PITPNM3: variants seen among roughly 807,000 people sequenced by gnomAD.
PITPNM3 encodes the protein PITPNM family member 3.
PITPNM3 carries 26 observed loss-of-function variants against 102.0 expected under a neutral mutation model. The ratio of observed to expected loss-of-function variants is 0.25; its 90% CI spans 0.19 to 0.35. PITPNM3 has a LOEUF of 0.35. Among genes scored for constraint, PITPNM3 ranks in the 10% least tolerant of loss-of-function variants. The pLI, the probability that PITPNM3 is intolerant of heterozygous loss-of-function variation, is 1.00. For missense variants in PITPNM3, 1,083 were observed against 1,346.1 expected, an observed-to-expected ratio of 0.80 and a Z score of 3.06; for synonymous variants, 578 against 558.6, an observed-to-expected ratio of 1.03 and a Z score of -0.49.
rs150739638 is a variant in PITPNM3 at position 6,462,009 on chromosome 17, C to T, written c.2307-453G>A. ...TGGGCCACTACAAAAGCCTCCTGGG[C>T]GGCCTCTTTCCCTCCACCCCTACTC... On this transcript the variant is annotated intron_variant, in intron 17 of 19. Transcript: ENST00000262483. 3.6e-3 allele frequency among the ~76,000 whole-genome samples: 545 copies of T among 151,456 alleles called. 1 individual carries two copies. Among genetic ancestry groups the T allele is most frequent in the Non-Finnish European group, 6.4e-3 (432 of 67,818 alleles).
chr17:6,490,201 G>C (rs1340942829), intron 4 of PITPNM3, among the ~76,000 whole-genome samples: 1 of 152,050 alleles, frequency 6.6e-6, no homozygotes, highest in Admixed American at 6.6e-5. Flanking sequence ...CCATTCCCCA[G>C]GTGAGCCCGC....
chr17:6,531,663 G>A (rs4796509), intron 2 of PITPNM3, among the ~76,000 whole-genome samples: 53,919 of 152,158 alleles, frequency 0.35, 10,149 homozygotes, highest in East Asian at 0.6. Context: ...CCAGGAAAGC[G>A]TGTCCAGAGG....
Position 6,455,401 on chromosome 17 carries a change from G to A in PITPNM3, c.2862C>T (p.His954=), listed in dbSNP as rs1597356535. The part of the protein sequence containing the change: ...AQSQPESDKD[H]ERPLPALSWA... ...AGCTGAGCGCCGGCAGCGGCCGCTC[G>A]TGGTCTTTGTCCGACTCGGGCTGGC... The change falls in exon 20 of 20, where the codon CAC becomes CAT. Residue 954 remains histidine, a synonymous_variant. Transcript: ENST00000262483. 6.3e-7 allele frequency: 1 copy of A among 1,599,688 alleles called. No individual in the cohort carries two copies. Among genetic ancestry groups the A allele is most frequent in the Non-Finnish European group, 8.5e-7 (1 of 1,175,720 alleles).
chr17:6,484,134 C>T (rs1438299643), intron 5 of PITPNM3, 82 bp downstream of exon 5: 21 of 1,438,622 alleles, frequency 1.5e-5, no homozygotes, highest in Admixed American at 1.0e-4. Flanking sequence ...TGGAAGAAAA[C>T]GAGGCCGCCT....
chr17:6,484,657 C>G (rs369246224), intron 4 of PITPNM3, among the ~76,000 whole-genome samples: 1 of 152,206 alleles, frequency 6.6e-6, no homozygotes, highest in Non-Finnish European at 1.5e-5. Context: ...TGAGCAAAGC[C>G]TCCCGCTGAG....
chr17:6,554,435 G>C (rs554711490), intron 1 of PITPNM3, among the ~76,000 whole-genome samples: 1 of 152,134 alleles, frequency 6.6e-6, no homozygotes, highest in Admixed American at 6.5e-5. Flanking sequence ...TGCTGAGTGT[G>C]GGGGGCAGGA....
Position 6,453,113 on chromosome 17 carries a change from C to T in PITPNM3, c.*2225G>A, listed in dbSNP as rs934553291. The T allele has an allele frequency of 7.2e-6, 1 of 139,264 alleles. No individual in the cohort carries two copies. The highest frequency in any genetic ancestry group is 1.5e-5 in the Non-Finnish European group (1 of 67,782). The allele number at this position is 139,264 out of a possible 1,614,324, so 8.6% of individuals were successfully genotyped here. ...TCTGTCTTCCTTTCTTTCTCTCTCT[C>T]TTTCTCTCTCCCTCTCTCTCTCTCT... On this transcript the variant is annotated 3_prime_UTR_variant, in exon 20 of 20. Coordinates refer to ENST00000262483, the MANE Select transcript of PITPNM3 (RefSeq NM_031220.4).
At chr17:6,482,060 C>G (rs398041497) in intron 6 of PITPNM3, among the ~76,000 whole-genome samples, 34,062 of 118,254 alleles carry the variant, frequency 0.29, 5,705 homozygotes, top group Middle Eastern at 0.47. Flanking sequence ...CTCTCTCTCT[C>G]TCTCTGTCTC....
intron 3 of PITPNM3, among the ~76,000 whole-genome samples, chr17:6,518,451 CAAA>C (rs74413304): frequency 5.3e-5 from 6 of 112,788 alleles, no homozygotes; most frequent in African/African-American, 6.2e-5. Flanking sequence ...GGTAAAAAAG[CAAA>C]AAAAAAAAAA....
At position 6,478,489 on chromosome 17, in the gene PITPNM3, C is replaced by T; in HGVS notation, c.777+58G>A. ...GCCCTTTCAGTAGATTCCAGCCTCT[C>T]TCCCAGGCCGGGGCCGGAACAGGGG... On this transcript the variant is annotated intron_variant, in intron 7 of 19. Coordinates refer to ENST00000262483, the MANE Select transcript of PITPNM3 (RefSeq NM_031220.4). This position sits in a 1 kb window ranked among gnomAD's most constrained non-coding sequence, Gnocchi z 4.4. 1 of 1,594,504 alleles carries T rather than the reference C, an allele frequency of 6.3e-7. No individual in the cohort carries two copies. Among genetic ancestry groups the T allele is most frequent in the East Asian group, 2.2e-5 (1 of 44,714 alleles).
At chr17:6,477,284 C>A (rs1260327873) in intron 8 of PITPNM3, 71 bp from the exon 9 acceptor site, 1 of 1,502,412 alleles carries the variant, frequency 6.7e-7, no homozygotes, top group East Asian at 2.3e-5. Context: ...CTTGTCTCCT[C>A]CCCCCAAGCA....
At chr17:6,482,871 G>A (rs1028410859) in intron 6 of PITPNM3, among the ~76,000 whole-genome samples, 6 of 152,018 alleles carry the variant, frequency 3.9e-5, no homozygotes, top group African/African-American at 1.4e-4. Context: ...GGCTGCAATC[G>A]TGTGGCCGAG....
intron 8 of PITPNM3, among the ~76,000 whole-genome samples, chr17:6,477,647 G>C (rs1905391551): frequency 1.3e-5 from 2 of 152,196 alleles, no homozygotes; most frequent in African/African-American, 4.8e-5. Context: ...CTGGGTTCAA[G>C]TGATTCTCGT....
At chr17:6,477,288 C>G (rs911475575) in intron 8 of PITPNM3, 75 bp from the exon 9 acceptor site, 15 of 1,503,800 alleles carry the variant, frequency 1.0e-5, no homozygotes, top group Admixed American at 5.2e-5. Context: ...TCTCCTCCCC[C>G]CAAGCACAAA....
rs147071422 is a variant in PITPNM3 at position 6,454,783 on chromosome 17, G to A, written c.*555C>T. The A allele has an allele frequency of 5.6e-3, 864 of 154,078 alleles. 11 individuals carry two copies. The highest frequency in any genetic ancestry group is 0.02 in the African/African-American group (813 of 41,620). The allele number at this position is 154,078 out of a possible 1,614,324, so 9.5% of individuals were successfully genotyped here. A position where few individuals can be genotyped will look rare whatever the true frequency, so the allele number is the denominator to read the frequency against. ...CCCGAGGGCTGTGGACAGAGACGGC[G>A]TAACATGAGCCCGGGGATGTGCTCT... On this transcript the variant is annotated 3_prime_UTR_variant, in exon 20 of 20. Coordinates refer to ENST00000262483, the MANE Select transcript of PITPNM3 (RefSeq NM_031220.4).
intron 6 of PITPNM3, among the ~76,000 whole-genome samples, chr17:6,482,018 C>G (rs1450490724): frequency 9.2e-5 from 10 of 108,794 alleles, no homozygotes; most frequent in African/African-American, 3.3e-4. Flanking sequence ...CTCTCTCTCT[C>G]TCTCTCTCTC....
At chr17:6,476,089 CATT>C (rs1905286964) in intron 9 of PITPNM3, among the ~76,000 whole-genome samples, 1 of 152,138 alleles carries the variant, frequency 6.6e-6, no homozygotes, top group Non-Finnish European at 1.5e-5. Flanking sequence ...ATTCATTCGA[CATT>C]ATATTGCCAT....
At chr17:6,465,795 C>G (rs183872459) in intron 14 of PITPNM3, among the ~76,000 whole-genome samples, 3 of 152,198 alleles carry the variant, frequency 2.0e-5, no homozygotes, top group Non-Finnish European at 4.4e-5. Context: ...GACCAGCCCC[C>G]ACTCCCAGCC....
chr17:6,479,523 G>C (rs1370179420), intron 6 of PITPNM3: 4 of 152,478 alleles, frequency 2.6e-5, no homozygotes, highest in Non-Finnish European at 4.4e-5. Flanking sequence ...TTCCGACCCA[G>C]ATGCACTGTT....
Sources: gnomAD v4.1 joint callset for allele counts (sites outside exome capture counted in the v4.1 genomes callset) on GRCh38, gnomAD v4.1.1 for gene constraint, Gnocchi (gnomAD v3.1) non-coding constraint, MANE v1.5 for transcripts, NCBI Gene and HGNC (gene_info 2026-07-23, HGNC 2026-07-21) for gene names.